Variants in MAML3 observed in about 807,000 individuals in gnomAD.
The protein encoded by MAML3 is mastermind-like protein 3.
A neutral mutation model predicts 101.9 loss-of-function variants in MAML3; 27 were observed. The ratio of observed to expected loss-of-function variants is 0.27; its 90% confidence interval spans 0.20 to 0.37. The LOEUF (loss-of-function observed/expected upper bound fraction) is 0.37. Ranked by LOEUF, MAML3 falls within the 10% of genes least tolerant of loss-of-function variation. MAML3 has a pLI of 1.00. For synonymous variants in MAML3, 501 were observed against 555.9 expected (o/e 0.90, Z 1.39); for missense variants, 1,316 against 1,444.9 (o/e 0.91, Z 1.45).
intron 1 of MAML3, among the ~76,000 whole-genome samples, chr4:139,965,440 C>T (rs1280359695): frequency 6.6e-6 from 1 of 152,150 alleles, no homozygotes; most frequent in African/African-American, 2.4e-5. Flanking sequence ...ACTAAAACAT[C>T]ACCATGTTTT....
intron 2 of MAML3, among the ~76,000 whole-genome samples, chr4:139,818,737 G>T (rs554791949): frequency 1.7e-4 from 26 of 152,286 alleles, no homozygotes; most frequent in African/African-American, 5.8e-4. Flanking sequence ...TATATGGAAA[G>T]AACTTAGTGT....
At chr4:139,733,243 C>G (rs1483744509) in intron 2 of MAML3, among the ~76,000 whole-genome samples, 1 of 152,104 alleles carries the variant, frequency 6.6e-6, no homozygotes, top group East Asian at 1.9e-4. Context: ...TTGATACTTT[C>G]CAGTTTTGAT....
chr4:140,119,766 C>A (rs1008703345), intron 1 of MAML3, among the ~76,000 whole-genome samples: 14 of 152,086 alleles, frequency 9.2e-5, no homozygotes, highest in African/African-American at 2.7e-4. Flanking sequence ...GGACCACAGG[C>A]ACAAACAAGA....
At chr4:139,990,746 A>G (rs1361876369) in intron 1 of MAML3, among the ~76,000 whole-genome samples, 2 of 152,156 alleles carry the variant, frequency 1.3e-5, no homozygotes, top group Non-Finnish European at 2.9e-5. Context: ...AAGCATTCTT[A>G]TACACCAATA....
chr4:140,013,240 C>T (rs1226632722), intron 1 of MAML3, among the ~76,000 whole-genome samples: 11 of 152,132 alleles, frequency 7.2e-5, no homozygotes, highest in African/African-American at 1.2e-4. Context: ...CATCTCAGTC[C>T]GCCTTCACCC....
chr4:140,128,576 T>TTGGA (rs1405229862), intron 1 of MAML3, among the ~76,000 whole-genome samples: 1 of 152,128 alleles, frequency 6.6e-6, no homozygotes, highest in Non-Finnish European at 1.5e-5. Context: ...CACCAAGGAC[T>TTGGA]TGGAGCTCTT....
At chr4:139,736,651 T>C (rs572873149) in intron 2 of MAML3, among the ~76,000 whole-genome samples, 2 of 152,260 alleles carry the variant, frequency 1.3e-5, no homozygotes, top group East Asian at 3.9e-4. Flanking sequence ...TAACTAAAAA[T>C]TAGGGGTTCT....
At chr4:139,777,507 C>T (rs1333082335) in intron 2 of MAML3, among the ~76,000 whole-genome samples, 1 of 152,156 alleles carries the variant, frequency 6.6e-6, no homozygotes, top group Admixed American at 6.6e-5. Context: ...AATCCATTCT[C>T]CAGACACCTG....
At chr4:140,048,399 A>G (rs867652009) in intron 1 of MAML3, among the ~76,000 whole-genome samples, 1 of 152,034 alleles carries the variant, frequency 6.6e-6, no homozygotes, top group Non-Finnish European at 1.5e-5. Flanking sequence ...GGAGAAATTT[A>G]TTGGGAACCT....
chr4:139,796,831 T>G (rs1479052327), intron 2 of MAML3, among the ~76,000 whole-genome samples: 1 of 152,106 alleles, frequency 6.6e-6, no homozygotes, highest in Non-Finnish European at 1.5e-5. Context: ...GCACAGTGAC[T>G]GGAATACAGC....
intron 1 of MAML3, among the ~76,000 whole-genome samples, chr4:140,049,729 G>C (rs1727237819): frequency 6.6e-6 from 1 of 152,042 alleles, no homozygotes; most frequent in African/African-American, 2.4e-5. Flanking sequence ...TGGGGAGAAA[G>C]ATGGTTATCT....
At position 139,852,403 on chromosome 4, in the gene MAML3, G is replaced by GTTTTTTTTTTTGTTGTTGTT. The variant is rs1731572633; in HGVS notation, c.2079+36953_2079+36954insAACAACAACAAAAAAAAAAA. Among the ~76,000 whole-genome samples, 201 of 68,328 alleles carry GTTTTTTTTTTTGTTGTTGTT rather than the reference G, an allele frequency of 2.9e-3. 4 individuals are homozygous for GTTTTTTTTTTTGTTGTTGTT. The highest frequency in any genetic ancestry group is 0.012 in the African/African-American group (181 of 15,044). The allele number at this position is 68,328 out of a possible 152,430, so 44.8% of individuals were successfully genotyped here. On this transcript the variant is annotated intron_variant, in intron 2 of 4. Transcript: ENST00000509479. ...AAAGCTCACCAAAATTCAGAAGACT[G>GTTTTTTTTTTTGTTGTTGTT]TTTTTTTTTTTTTTTTTTTTTTTTT...
At chr4:140,078,775 G>A (rs11730498) in intron 1 of MAML3, among the ~76,000 whole-genome samples, 80,009 of 151,832 alleles carry the variant, frequency 0.53, 22,361 homozygotes, top group Non-Finnish European at 0.64. Flanking sequence ...GAACTTCTCC[G>A]TGCCGGACTC....
At chr4:140,044,180 C>T (rs947494583) in intron 1 of MAML3, among the ~76,000 whole-genome samples, 18 of 151,594 alleles carry the variant, frequency 1.2e-4, no homozygotes, top group African/African-American at 3.4e-4. Flanking sequence ...GCTATGGGCC[C>T]GAGACGTTTT....
At chr4:140,051,007 T>A (rs902890479) in intron 1 of MAML3, among the ~76,000 whole-genome samples, 6 of 152,184 alleles carry the variant, frequency 3.9e-5, no homozygotes, top group African/African-American at 1.4e-4. Context: ...AGTTAATCCA[T>A]CCCTTCTACT....
chr4:139,797,275 T>C (rs1730527630), intron 2 of MAML3, among the ~76,000 whole-genome samples: 1 of 152,222 alleles, frequency 6.6e-6, no homozygotes, highest in South Asian at 2.1e-4. Flanking sequence ...GGAGTGATCC[T>C]GACCATCTGA....
chr4:139,973,868 C>T (rs558622312), intron 1 of MAML3, among the ~76,000 whole-genome samples: 4 of 152,250 alleles, frequency 2.6e-5, no homozygotes, highest in South Asian at 2.1e-4. Context: ...GATAGAATTA[C>T]CTTTCACCAT....
intron 1 of MAML3, among the ~76,000 whole-genome samples, chr4:140,133,880 G>C (rs891021699): frequency 6.6e-6 from 1 of 152,164 alleles, no homozygotes; most frequent in African/African-American, 2.4e-5. Context: ...TATGTATACA[G>C]ATATTTACAG....
Position 139,890,622 on chromosome 4 carries a change from T to C in MAML3, c.814A>G (p.Lys272Glu), listed in dbSNP as rs1211634646. 6.2e-7 allele frequency: 1 copy of C among 1,613,998 alleles called. No individual in the cohort carries two copies. Among genetic ancestry groups the C allele is most frequent in the South Asian group, 1.1e-5 (1 of 91,080 alleles). Residue 272 changes from lysine (K) to glutamate (E), a missense_variant, in exon 2 of 5, where the codon AAA (lysine) becomes GAA (glutamate). Physicochemically the swap from Lys to Glu is moderately conservative, Grantham distance 56. Transcript: ENST00000509479. This position sits in a 1 kb window ranked among gnomAD's most constrained non-coding sequence, Gnocchi z 4.1. ...LEDSFTILQSKDLKQEPLDDP... is the reference protein window; with the variant it reads ...LEDSFTILQSEDLKQEPLDDP... ...TCGAGAGGTTCTTGTTTGAGGTCTT[T>C]GCTCTGCAAGATGGTGAAGCTATCC...
Sources: gnomAD v4.1 joint callset for allele counts (sites outside exome capture counted in the v4.1 genomes callset) on GRCh38, gnomAD v4.1.1 for gene constraint, Gnocchi (gnomAD v3.1) non-coding constraint, MANE v1.5 for transcripts, NCBI Gene and HGNC (gene_info 2026-07-23, HGNC 2026-07-21) for gene names.